Variants in ST8SIA1 observed in about 807,000 individuals in gnomAD.
ST8SIA1 encodes the protein ST8 alpha-N-acetyl-neuraminide alpha-2,8-sialyltransferase 1, also known as alpha-N-acetylneuraminide alpha-2,8-sialyltransferase.
A neutral mutation model predicts 35.9 loss-of-function variants in ST8SIA1; 16 were observed. The observed-to-expected ratio is 0.45, with a 90% CI of 0.30 to 0.68. The LOEUF is 0.68. Ranked by LOEUF, ST8SIA1 falls within the 30% of genes least tolerant of loss-of-function variation. The pLI, the probability that ST8SIA1 is intolerant of heterozygous loss-of-function variation, is 0.09. For synonymous variants in ST8SIA1, 170 were observed against 169.6 expected (o/e 1.00, Z -0.02); for missense variants, 383 against 453.6 (o/e 0.84, Z 1.41).
chr12:22,209,073 C>A (rs1267663584), intron 4 of ST8SIA1, among the ~76,000 whole-genome samples: 1 of 152,032 alleles, frequency 6.6e-6, no homozygotes, highest in African/African-American at 2.4e-5. Flanking sequence ...TGAGGCAATT[C>A]CTTAGCAAAA....
At chr12:22,333,781 A>G (rs1866799843) in intron 1 of ST8SIA1, 4 of 753,454 alleles carry the variant, frequency 5.3e-6, no homozygotes, top group Admixed American at 5.3e-5. Flanking sequence ...TGCGCAAAGC[A>G]GGTGTCTGCA....
intron 2 of ST8SIA1, among the ~76,000 whole-genome samples, chr12:22,272,685 A>T (rs1028088930): frequency 6.6e-6 from 1 of 152,242 alleles, no homozygotes; most frequent in African/African-American, 2.4e-5. Context: ...TTTGTGGGAA[A>T]ATTGGTACAA....
rs1865921302 is a variant in ST8SIA1 at position 22,272,351 on chromosome 12, G to T, written c.381+14798C>A. ...TACTAATTCCAAGGACAGTCAAAAAGTTTTCAACTCGAAGGATGATTGTTC... is the reference window on the plus strand; with the variant it reads ...TACTAATTCCAAGGACAGTCAAAAATTTTTCAACTCGAAGGATGATTGTTC... On this transcript the variant is annotated intron_variant, in intron 2 of 4. Coordinates refer to ENST00000396037, the MANE Select transcript of ST8SIA1 (RefSeq NM_003034.4). Among the ~76,000 whole-genome samples, 4 of 152,194 alleles carry T rather than the reference G, an allele frequency of 2.6e-5. No individual in the cohort carries two copies. In the South Asian group the frequency reaches 8.3e-4, roughly 32 times the overall value.
chr12:22,334,382 C>T lies in ST8SIA1; in HGVS notation c.-150G>A. On this transcript the variant is annotated 5_prime_UTR_variant, in exon 1 of 5. Transcript: ENST00000396037. ...CGCACGCACGCTTCTTCGGCCCCGT[C>T]GGCCCCAAAGGTCAGCGCAAGGATT... 1.6e-6 allele frequency: 1 copy of T among 630,408 alleles called. No individual in the cohort carries two copies. The highest frequency in any genetic ancestry group is 1.9e-5 in the South Asian group (1 of 51,582). The allele number at this position is 630,408 out of a possible 1,614,324, so 39.1% of individuals were successfully genotyped here.
At chr12:22,276,681 T>C (rs999263825) in intron 2 of ST8SIA1, among the ~76,000 whole-genome samples, 4 of 152,054 alleles carry the variant, frequency 2.6e-5, no homozygotes, top group African/African-American at 4.8e-5. Context: ...TGATTCTCAG[T>C]TGGGGTGTTC....
At chr12:22,287,054 G>A (rs1177954374) in intron 2 of ST8SIA1, 95 bp downstream of exon 2, 1 of 1,188,278 alleles carries the variant, frequency 8.4e-7, no homozygotes, top group Non-Finnish European at 1.2e-6. Flanking sequence ...AAAACAAAAA[G>A]TCAATCTGAT....
At chr12:22,215,095 T>A (rs766802193) in intron 4 of ST8SIA1, among the ~76,000 whole-genome samples, 1 of 152,142 alleles carries the variant, frequency 6.6e-6, no homozygotes, top group Non-Finnish European at 1.5e-5. Context: ...ATCATTCTCT[T>A]TGCCTACTCC....
intron 4 of ST8SIA1, among the ~76,000 whole-genome samples, chr12:22,232,150 T>C (rs1865428358): frequency 6.6e-6 from 1 of 152,032 alleles, no homozygotes. Context: ...TGTAAAATCA[T>C]GGTTTCAGCA....
At chr12:22,287,488 C>CAAAA (rs60549878) in intron 1 of ST8SIA1, among the ~76,000 whole-genome samples, 195 bp from the exon 2 acceptor site, 2 of 126,342 alleles carry the variant, frequency 1.6e-5, no homozygotes, top group Non-Finnish European at 3.3e-5. Flanking sequence ...TATTTCACAG[C>CAAAA]AAAAAAAAAA....
At chr12:22,325,460 C>A in intron 1 of ST8SIA1, 4 of 702,110 alleles carry the variant, frequency 5.7e-6, no homozygotes, top group Non-Finnish European at 7.8e-6. Context: ...AATGCCACAG[C>A]TAGAAGACAG....
chr12:22,273,294 T>C (rs1025792239), intron 2 of ST8SIA1, among the ~76,000 whole-genome samples: 2 of 152,202 alleles, frequency 1.3e-5, no homozygotes, highest in Non-Finnish European at 2.9e-5. Flanking sequence ...ACCCACACTT[T>C]CCTAATTGGC....
At chr12:22,205,675 T>C (rs968974089) in intron 4 of ST8SIA1, among the ~76,000 whole-genome samples, 1 of 152,088 alleles carries the variant, frequency 6.6e-6, no homozygotes, top group South Asian at 2.1e-4. Context: ...CCTAGCACTT[T>C]AGGCAGCTGA....
intron 1 of ST8SIA1, among the ~76,000 whole-genome samples, chr12:22,309,966 G>A (rs974529854): frequency 7.9e-5 from 12 of 152,106 alleles, no homozygotes; most frequent in Non-Finnish European, 1.3e-4. Context: ...TTAAGCAGCT[G>A]CACAAAATGA....
At chr12:22,291,337 C>A (rs1658532118) in intron 1 of ST8SIA1, among the ~76,000 whole-genome samples, 1 of 152,190 alleles carries the variant, frequency 6.6e-6, no homozygotes, top group South Asian at 2.1e-4. Flanking sequence ...TGGGAGGCTG[C>A]CACTCCAATG....
At chr12:22,249,239 G>C (rs1280742969) in intron 3 of ST8SIA1, 141 bp from the exon 4 acceptor site, 1 of 560,158 alleles carries the variant, frequency 1.8e-6, no homozygotes, top group African/African-American at 2.1e-5. Context: ...TTTTTTTTGA[G>C]ATGGAGTCTC....
chr12:22,302,766 A>G (rs1229370542), intron 1 of ST8SIA1, among the ~76,000 whole-genome samples: 1 of 152,116 alleles, frequency 6.6e-6, no homozygotes, highest in African/African-American at 2.4e-5. Context: ...CATTCTATTC[A>G]AAGTCATCCC....
At chr12:22,249,301 C>G (rs1490325598) in intron 3 of ST8SIA1, among the ~76,000 whole-genome samples, 1 of 150,338 alleles carries the variant, frequency 6.7e-6, no homozygotes, top group Non-Finnish European at 1.5e-5. Flanking sequence ...TCACTGCAAG[C>G]TCCACCTGCC....
intron 3 of ST8SIA1, among the ~76,000 whole-genome samples, chr12:22,249,549 GTTTT>G: frequency 1.3e-5 from 2 of 152,130 alleles, no homozygotes; most frequent in South Asian, 4.2e-4. Context: ...GTTTTGTTTT[GTTTT>G]GTTTTTTACC....
At chr12:22,207,942 A>C (rs1031230756) in intron 4 of ST8SIA1, among the ~76,000 whole-genome samples, 31 of 152,078 alleles carry the variant, frequency 2.0e-4, no homozygotes, top group African/African-American at 7.0e-4. Flanking sequence ...CAGGAGTTCG[A>C]GACCAGCCTG....
Sources: allele counts gnomAD v4.1 joint callset (sites outside exome capture counted in the v4.1 genomes callset), GRCh38; gene constraint gnomAD v4.1.1; transcripts MANE v1.5; gene names NCBI Gene and HGNC (gene_info 2026-07-23, HGNC 2026-07-21).